The following AAK1 variants were observed in gnomAD, a reference collection of about 807,000 sequenced individuals.
The protein encoded by AAK1 is AP2-associated protein kinase 1.
In AAK1, 37 loss-of-function variants were observed where a neutral mutation model predicts 116.0. That is an observed-to-expected ratio of 0.32 (90% CI 0.25 to 0.42). AAK1 has a LOEUF of 0.42. Ranked by LOEUF, AAK1 falls within the 10% of genes least tolerant of loss-of-function variation. The probability of loss-of-function intolerance (pLI) is 1.00; values close to 1 mark genes in which losing one functional copy is unlikely to be tolerated. For synonymous variants in AAK1, 458 were observed against 439.9 expected (o/e 1.04, Z -0.51); for missense variants, 919 against 1,170.6 (o/e 0.79, Z 3.14).
intron 2 of AAK1, among the ~76,000 whole-genome samples, chr2:69,636,004 A>G (rs1022862745): frequency 1.9e-4 from 29 of 152,334 alleles, no homozygotes; most frequent in African/African-American, 6.7e-4. Flanking sequence ...TATATAACAT[A>G]TGGCCCAACA....
intron 5 of AAK1, among the ~76,000 whole-genome samples, chr2:69,537,310 T>A (rs918850303): frequency 6.6e-5 from 10 of 152,224 alleles, no homozygotes; most frequent in African/African-American, 2.4e-4. Context: ...TATGGTTATT[T>A]TTAGAACATA....
At chr2:69,478,691 T>C (rs1227151247) in intron 20 of AAK1, 1 of 352,264 alleles carries the variant, frequency 2.8e-6, no homozygotes, top group African/African-American at 2.2e-5. Context: ...TAGGCTCAAG[T>C]GATCCTCCCA....
chr2:69,643,097 T>TTA lies in AAK1; in HGVS notation c.-58_-57insTA, dbSNP rs1442846469. 2.1e-6 allele frequency: 3 copies of TTA among 1,451,400 alleles called. No individual in the cohort carries two copies. Among genetic ancestry groups the TTA allele is most frequent in the Admixed American group, 5.7e-5 (2 of 34,862 alleles). 89.9% of individuals were successfully genotyped at this position (1,451,400 alleles called of 1,614,324 possible). On this transcript the variant is annotated 5_prime_UTR_variant, in exon 2 of 22. Transcript: ENST00000409085. ...CGATGGTTTCTAGATTTTTTTTTTT[T>TTA]TTTTTTTTTTTTAAGAAAAGAGATC...
chr2:69,505,139 A>G (rs1018730630), intron 16 of AAK1, among the ~76,000 whole-genome samples: 32 of 147,892 alleles, frequency 2.2e-4, no homozygotes, highest in African/African-American at 7.2e-4. Context: ...ACACACCCAC[A>G]CACACACACA....
chr2:69,600,044 A>G (rs1393724241), intron 2 of AAK1, among the ~76,000 whole-genome samples: 1 of 151,874 alleles, frequency 6.6e-6, no homozygotes, highest in Non-Finnish European at 1.5e-5. Context: ...GGCCTCCCAA[A>G]GTGCTAGAAT....
rs1005654444 is a variant in AAK1, at chr2:69,464,935, G to C, written c.*10934C>G. ...TGTTGATGTGCAGGGTTTTTATCTTGCTCTTCTTTCCAGACATCTCCCCTT... is the reference window on the plus strand; with the variant it reads ...TGTTGATGTGCAGGGTTTTTATCTTCCTCTTCTTTCCAGACATCTCCCCTT... On this transcript the variant is annotated 3_prime_UTR_variant, in exon 22 of 22. Coordinates refer to ENST00000409085, the MANE Select transcript of AAK1 (RefSeq NM_014911.5). 1 of 155,430 alleles carries C rather than the reference G, an allele frequency of 6.4e-6. No individual in the cohort carries two copies. Among genetic ancestry groups the C allele is most frequent in the Non-Finnish European group, 1.4e-5 (1 of 70,332 alleles). The allele number at this position is 155,430 out of a possible 1,614,324, so 9.6% of individuals were successfully genotyped here. A position where few individuals can be genotyped will look rare whatever the true frequency, so the allele number is the denominator to read the frequency against.
intron 2 of AAK1, among the ~76,000 whole-genome samples, chr2:69,606,953 C>T (rs981542300): frequency 6.7e-6 from 1 of 149,834 alleles, no homozygotes; most frequent in Non-Finnish European, 1.5e-5. Flanking sequence ...GTAGTCCCAG[C>T]TACTTGGCAG....
chr2:69,537,207 T>A (rs1406925613), intron 5 of AAK1, among the ~76,000 whole-genome samples: 1 of 152,224 alleles, frequency 6.6e-6, no homozygotes, highest in East Asian at 1.9e-4. Context: ...TTTATCTTTC[T>A]CAGAGAAATG....
intron 2 of AAK1, among the ~76,000 whole-genome samples, chr2:69,590,018 A>G (rs1402787755): frequency 6.6e-6 from 1 of 152,186 alleles, no homozygotes; most frequent in African/African-American, 2.4e-5. Context: ...CCAGGGAATA[A>G]GTCAAAAAAC....
rs1430989543 is a variant in AAK1, at chr2:69,475,365, C to A, written c.*504G>T. 2.0e-6 allele frequency: 2 copies of A among 987,886 alleles called. No homozygotes were observed. Among genetic ancestry groups the A allele is most frequent in the African/African-American group, 3.5e-5 (2 of 57,248 alleles). 61.2% of individuals were successfully genotyped at this position (987,886 alleles called of 1,614,324 possible). A position where few individuals can be genotyped will look rare whatever the true frequency, so the allele number is the denominator to read the frequency against. On this transcript the variant is annotated 3_prime_UTR_variant, in exon 22 of 22. Transcript: ENST00000409085. ...CCACACACCCATCTCCAGGCTACTG[C>A]CTAGAGTTAAGACCAACTGAAGTAG... is the stretch of plus-strand genomic sequence containing the variant.
intron 8 of AAK1, among the ~76,000 whole-genome samples, chr2:69,529,714 C>A (rs1670173226): frequency 6.6e-6 from 1 of 152,108 alleles, no homozygotes; most frequent in African/African-American, 2.4e-5. Flanking sequence ...TCCTTTGGTA[C>A]CGGAGCTTTC....
rs1404026182 is a variant in AAK1 at position 69,480,863 on chromosome 2, T to G, written c.2566A>C (p.Thr856Pro). Reference sequence around the variant, plus strand: ...GCTGCAGAGACACCTGACTGACCTGTGCGATTCGAGGTCACAGATTCCGTC... The same window carrying G: ...GCTGCAGAGACACCTGACTGACCTGGGCGATTCGAGGTCACAGATTCCGTC... ...SQTESVTSNR[T>P]DSLTGEDSLL... is the part of the protein sequence containing the mutation. Residue 856 changes from threonine to proline, a missense_variant, in exon 19 of 22, where the codon ACA (threonine) becomes CCA (proline). By Grantham distance (38) the Thr-to-Pro change is conservative. Transcript: ENST00000409085. 6.3e-7 allele frequency: 1 copy of G among 1,591,862 alleles called. No individual in the cohort carries two copies. Among genetic ancestry groups the G allele is most frequent in the South Asian group, 1.2e-5 (1 of 86,712 alleles).
At chr2:69,629,429 T>C (rs1180129127) in intron 2 of AAK1, among the ~76,000 whole-genome samples, 2 of 152,250 alleles carry the variant, frequency 1.3e-5, no homozygotes, top group Non-Finnish European at 2.9e-5. Context: ...ATATCTCTAC[T>C]TTTGAGATCA....
chr2:69,509,447 A>G lies in AAK1; in HGVS notation c.1790T>C (p.Val597Ala). 6.2e-7 allele frequency: 1 copy of G among 1,613,724 alleles called. No homozygotes were observed. The highest frequency in any genetic ancestry group is 1.1e-5 in the South Asian group (1 of 91,050). ...TGTCTGAACCTTTGGCTGTTGTCTTACTGGGGCTTGAATCTGCTAGGAAGA... is the reference window on the plus strand; with the variant it reads ...TGTCTGAACCTTTGGCTGTTGTCTTGCTGGGGCTTGAATCTGCTAGGAAGA... ...PAQEPAIQAP[V>A]RQQPKVQTTP... Residue 597 changes from valine (V) to alanine (A), a missense_variant, in exon 14 of 22, where the codon GTA becomes GCA. This residue lies in a region of AAK1 where 125 missense variants were observed against 184.1 expected (regional missense o/e 0.68). Coordinates refer to ENST00000409085, the MANE Select transcript of AAK1 (RefSeq NM_014911.5).
chr2:69,564,484 CTAGGTAT>C (rs1274821558), intron 2 of AAK1, among the ~76,000 whole-genome samples: 1 of 152,042 alleles, frequency 6.6e-6, no homozygotes, highest in Non-Finnish European at 1.5e-5. Flanking sequence ...TTCTACAGCT[CTAGGTAT>C]AAGTATTTTA....
intron 3 of AAK1, among the ~76,000 whole-genome samples, chr2:69,549,197 C>T (rs1333030079): frequency 1.3e-5 from 2 of 152,022 alleles, no homozygotes; most frequent in South Asian, 2.1e-4. Context: ...GGTGAAACCG[C>T]GTCTCTACTA....
chr2:69,498,093 A>G (rs1675822908), intron 16 of AAK1, among the ~76,000 whole-genome samples: 1 of 150,524 alleles, frequency 6.6e-6, no homozygotes, highest in Non-Finnish European at 1.5e-5. Flanking sequence ...GTCTTTCTCA[A>G]TGACCCCTGA....
chr2:69,531,888 G>A, intron 6 of AAK1, 153 bp downstream of exon 6: 1 of 1,370,650 alleles, frequency 7.3e-7, no homozygotes, highest in African/African-American at 1.5e-5. Context: ...TTCACTTAAA[G>A]TCAAACAACC....
At chr2:69,532,007 T>C in intron 6 of AAK1, 34 bp downstream of exon 6, 1 of 1,610,304 alleles carries the variant, frequency 6.2e-7, no homozygotes, top group Middle Eastern at 1.7e-4. Flanking sequence ...CATCTGATTG[T>C]GGACAAAACT....
Sources: gnomAD v4.1 joint callset for allele counts (sites outside exome capture counted in the v4.1 genomes callset) on GRCh38, gnomAD v4.1.1 for gene constraint, gnomAD v4.1.1 regional missense constraint, MANE v1.5 for transcripts, NCBI Gene and HGNC (gene_info 2026-07-23, HGNC 2026-07-21) for gene names.